FBN2: variants seen among roughly 807,000 people sequenced by gnomAD.
FBN2 encodes the protein fibrillin 2.
FBN2 carries 105 observed loss-of-function variants against 355.6 expected under a neutral mutation model. The observed-to-expected ratio is 0.30, with a 90% CI of 0.25 to 0.35. FBN2 has a LOEUF of 0.35. FBN2 is among the 10% of genes least tolerant of loss of function. FBN2 has a pLI of 1.00. For missense variants in FBN2, 3,280 were observed against 3,758.7 expected (o/e 0.87, Z 3.33); for synonymous variants, 1,350 against 1,301.2 (o/e 1.04, Z -0.81).
Position 128,291,414 on chromosome 5 carries a change from T to G in FBN2, c.6292+115A>C, listed in dbSNP as rs576850062. 3.4e-5 allele frequency: 41 copies of G among 1,191,144 alleles called. No individual in the cohort carries two copies. The African/African-American group carries it at 5.7e-4, about 17-fold the overall frequency. 73.8% of individuals were successfully genotyped at this position (1,191,144 alleles called of 1,614,324 possible). On this transcript the variant is annotated intron_variant, in intron 49 of 64. Transcript: ENST00000262464. ...GAGACCTAAATTTTTAACTTGCAGA[T>G]GTATTTTAGCATAGACATGTATTTT...
rs755120209 is a variant in FBN2, at chr5:128,344,858, G to A, written c.3218-348C>T. ...TGAGATTACAGGCGCGAGCCACCAC[G>A]CCCGGCTAATTTTTGTATTTTTAGT... On this transcript the variant is annotated intron_variant, in intron 24 of 64. Coordinates refer to ENST00000262464, the MANE Select transcript of FBN2 (RefSeq NM_001999.4). Among the ~76,000 whole-genome samples, 8 of 152,102 alleles carry A rather than the reference G, an allele frequency of 5.3e-5. No homozygotes were observed. In the East Asian group the frequency reaches 5.8e-4, roughly 11 times the overall value.
At chr5:128,517,514 G>A (rs1171916914) in intron 5 of FBN2, among the ~76,000 whole-genome samples, 3 of 152,034 alleles carry the variant, frequency 2.0e-5, no homozygotes, top group Non-Finnish European at 2.9e-5. Flanking sequence ...TTCATCCTAA[G>A]TGTAACATTA....
At chr5:128,507,738 G>A (rs962628309) in intron 5 of FBN2, among the ~76,000 whole-genome samples, 27 of 152,052 alleles carry the variant, frequency 1.8e-4, no homozygotes, top group African/African-American at 6.3e-4. Context: ...CAATAAAAAG[G>A]AATGTATATT....
Position 128,285,676 on chromosome 5 carries a change from T to C in FBN2, c.7012+1042A>G, listed in dbSNP as rs149596845. Among the ~76,000 whole-genome samples, 614 of 148,360 alleles carry C rather than the reference T, an allele frequency of 4.1e-3. 5 individuals carry two copies. The highest frequency in any genetic ancestry group is 0.014 in the African/African-American group (579 of 40,228). ...GATGAAGGAACTGAAGAACAGAGAATTGAATCACTTGCAAGTCATCCAGAT... is the reference window on the plus strand; with the variant it reads ...GATGAAGGAACTGAAGAACAGAGAACTGAATCACTTGCAAGTCATCCAGAT... On this transcript the variant is annotated intron_variant, in intron 55 of 64. Coordinates refer to ENST00000262464, the MANE Select transcript of FBN2 (RefSeq NM_001999.4).
chr5:128,417,575 T>A (rs1479825933), intron 7 of FBN2, among the ~76,000 whole-genome samples: 1 of 152,190 alleles, frequency 6.6e-6, no homozygotes, highest in Non-Finnish European at 1.5e-5. Context: ...ATGGATTTTA[T>A]CAAATGCTTT....
At chr5:128,478,886 A>G (rs1747976440) in intron 5 of FBN2, among the ~76,000 whole-genome samples, 1 of 152,222 alleles carries the variant, frequency 6.6e-6, no homozygotes, top group Non-Finnish European at 1.5e-5. Context: ...GGCAGCCTTC[A>G]AAATTTATTT....
chr5:128,436,988 A>G (rs1478631500), intron 7 of FBN2, among the ~76,000 whole-genome samples: 1 of 152,226 alleles, frequency 6.6e-6, no homozygotes, highest in Admixed American at 6.5e-5. Flanking sequence ...CCAGCATGCT[A>G]ACATTGCTAT....
chr5:128,328,714 C>G lies in FBN2; in HGVS notation c.4453G>C (p.Asp1485His). ...GACCCACCTTGGCAGGATCTGCTGT[C>G]TGAGGCTGGAGTGAAGCCCATCTCA... ...ECEMGFTPAS[D>H]SRSCQDIDEC... Residue 1485 changes from aspartate to histidine, a missense_variant, in exon 34 of 65, where the codon GAC (aspartate) becomes CAC (histidine). Physicochemically the swap from Asp to His is moderately conservative, Grantham distance 81 (BLOSUM62 -1). Around this residue, in one of 6 missense-constraint regions of FBN2, gnomAD observed 2,284 missense variants for 2,749.5 expected, o/e 0.83. Coordinates refer to ENST00000262464, the MANE Select transcript of FBN2 (RefSeq NM_001999.4). The G allele has an allele frequency of 1.2e-6, 2 of 1,614,132 alleles. No individual in the cohort carries two copies. The highest frequency in any genetic ancestry group is 1.3e-5 in the African/African-American group (1 of 75,052).
intron 5 of FBN2, among the ~76,000 whole-genome samples, chr5:128,488,397 C>T (rs1411886569): frequency 6.6e-6 from 1 of 152,128 alleles, no homozygotes; most frequent in Non-Finnish European, 1.5e-5. Flanking sequence ...TTTAGCATGA[C>T]TGGAGGTCTC....
chr5:128,488,319 T>C (rs928030641), intron 5 of FBN2, among the ~76,000 whole-genome samples: 1 of 152,144 alleles, frequency 6.6e-6, no homozygotes, highest in African/African-American at 2.4e-5. Context: ...GCCACCCTTT[T>C]GCCAGTGACT....
At chr5:128,347,369 T>C (rs1005735323) in intron 23 of FBN2, among the ~76,000 whole-genome samples, 2 of 152,232 alleles carry the variant, frequency 1.3e-5, no homozygotes, top group African/African-American at 4.8e-5. Flanking sequence ...TCTATATTTA[T>C]ATCAGGAATT....
chr5:128,259,845 GA>G lies in FBN2; in HGVS notation c.8365-17del. 1 of 1,613,030 alleles carries G rather than the reference GA, an allele frequency of 6.2e-7. No homozygotes were observed. Among genetic ancestry groups the G allele is most frequent in the Non-Finnish European group, 8.5e-7 (1 of 1,179,730 alleles). On this transcript the variant is annotated splice_polypyrimidine_tract_variant and intron_variant, in intron 64 of 64. Transcript: ENST00000262464. ...TCTGTTCAACCTGGAGGAAGAACAG[GA>G]AATGATTTGGGACAAGCTTCTACAG...
At chr5:128,423,218 A>G (rs966427506) in intron 7 of FBN2, among the ~76,000 whole-genome samples, 1 of 152,048 alleles carries the variant, frequency 6.6e-6, no homozygotes, top group Non-Finnish European at 1.5e-5. Flanking sequence ...TCCAGGTAGA[A>G]GGAAGAGCAT....
chr5:128,423,248 T>C (rs1049357430), intron 7 of FBN2, among the ~76,000 whole-genome samples: 15 of 152,156 alleles, frequency 9.9e-5, no homozygotes, highest in Admixed American at 8.5e-4. Flanking sequence ...CCAGGTGTAT[T>C]AGTCCGTTCT....
chr5:128,529,892 T>C (rs1235802677), intron 3 of FBN2, among the ~76,000 whole-genome samples: 2 of 152,320 alleles, frequency 1.3e-5, no homozygotes, highest in East Asian at 3.9e-4. Flanking sequence ...ATTTGATGTA[T>C]GAATCCTGAA....
rs558130884 is a variant in FBN2 at position 128,396,924 on chromosome 5, AGC to A, written c.1079-1652_1079-1651del. On this transcript the variant is annotated intron_variant, in intron 8 of 64. Coordinates refer to ENST00000262464, the MANE Select transcript of FBN2 (RefSeq NM_001999.4). ...ATTAACAGGTAAAGTTAAAATTTTTAGCACTGGATACAGAGTTTAAAGTAAGC... is the reference window on the plus strand; with the variant it reads ...ATTAACAGGTAAAGTTAAAATTTTTAACTGGATACAGAGTTTAAAGTAAGC... Among the ~76,000 whole-genome samples, 233 of 152,362 alleles carry A rather than the reference AGC, an allele frequency of 1.5e-3. 1 individual carries two copies. The highest frequency in any genetic ancestry group is 5.2e-3 in the African/African-American group (217 of 41,598).
At position 128,537,228 on chromosome 5, in the gene FBN2, G is replaced by A. The variant is rs547471691; in HGVS notation, c.254+122C>T. The A allele has an allele frequency of 1.2e-5, 18 of 1,459,106 alleles. No individual in the cohort carries two copies. The East Asian group carries it at 4.4e-4, about 36-fold the overall frequency. The allele number at this position is 1,459,106 out of a possible 1,614,324, so 90.4% of individuals were successfully genotyped here. A position where few individuals can be genotyped will look rare whatever the true frequency, so the allele number is the denominator to read the frequency against. ...GGGTCTTTGGATATTCTGGCAAAGG[G>A]GGCTGCAGCTCTAGGCTCCAGCTAA... is the stretch of plus-strand genomic sequence containing the variant. On this transcript the variant is annotated intron_variant, in intron 1 of 64. Coordinates refer to ENST00000262464, the MANE Select transcript of FBN2 (RefSeq NM_001999.4).
At chr5:128,286,486 T>C (rs1407278343) in intron 55 of FBN2, among the ~76,000 whole-genome samples, 1 of 152,226 alleles carries the variant, frequency 6.6e-6, no homozygotes, top group African/African-American at 2.4e-5. Context: ...TACAATTTTC[T>C]TTAAAATATG....
intron 5 of FBN2, among the ~76,000 whole-genome samples, chr5:128,468,073 T>A (rs1256202239): frequency 6.6e-6 from 1 of 152,160 alleles, no homozygotes; most frequent in African/African-American, 2.4e-5. Context: ...TTAGAACATT[T>A]TCATCACCCA....
Sources: gnomAD v4.1 joint callset for allele counts (sites outside exome capture counted in the v4.1 genomes callset) on GRCh38, gnomAD v4.1.1 for gene constraint, gnomAD v4.1.1 regional missense constraint, MANE v1.5 for transcripts, NCBI Gene and HGNC (gene_info 2026-07-23, HGNC 2026-07-21) for gene names.